Variants in NEDD4 observed in about 807,000 individuals in gnomAD.
The protein encoded by NEDD4 is NEDD4 E3 ubiquitin protein ligase, also known as E3 ubiquitin-protein ligase NEDD4.
In NEDD4, 99 loss-of-function variants were observed where a neutral mutation model predicts 144.9. The ratio of observed to expected loss-of-function variants is 0.68; its 90% CI spans 0.58 to 0.81. The LOEUF (loss-of-function observed/expected upper bound fraction) is 0.81. Among genes scored for constraint, NEDD4 ranks in the 30% least tolerant of loss-of-function variants. The pLI is 0.00. For missense variants in NEDD4, 985 were observed against 1,065.9 expected (o/e 0.92, Z 1.06); for synonymous variants, 318 against 350.6 (o/e 0.91, Z 1.04).
chr15:55,990,925 C>A (rs535719239), intron 1 of NEDD4, among the ~76,000 whole-genome samples: 1 of 152,308 alleles, frequency 6.6e-6, no homozygotes, highest in East Asian at 1.9e-4. Flanking sequence ...GCACATGCAG[C>A]CAGGGTGATC....
intron 4 of NEDD4, among the ~76,000 whole-genome samples, chr15:55,931,165 T>A (rs2036774147): frequency 6.6e-6 from 1 of 152,218 alleles, no homozygotes; most frequent in South Asian, 2.1e-4. Context: ...TGTCTTCAAA[T>A]TTATGTTCAC....
Position 55,850,602 on chromosome 15 carries a change from G to A in NEDD4, c.1287C>T (p.Val429=), listed in dbSNP as rs144358167. Reference sequence around the variant, plus strand: ...AAGGCCTCCCATTTGGTGCATGCCGGACTTCCCAGCCTTTAGGAAGGAATC... The same window carrying A: ...AAGGCCTCCCATTTGGTGCATGCCGAACTTCCCAGCCTTTAGGAAGGAATC... The part of the protein sequence containing the change: ...EQGFLPKGWE[V]RHAPNGRPFF... The change falls in exon 14 of 29, where the codon GTC becomes GTT. Residue 429 remains valine, a synonymous_variant. Coordinates refer to ENST00000435532, the MANE Select transcript of NEDD4 (RefSeq NM_006154.4). 16 of 1,614,006 alleles carry A rather than the reference G, an allele frequency of 9.9e-6. No homozygotes were observed. Among genetic ancestry groups the A allele is most frequent in the Non-Finnish European group, 1.4e-5 (16 of 1,180,022 alleles).
chr15:55,988,963 C>A (rs375422609), intron 1 of NEDD4, among the ~76,000 whole-genome samples: 1 of 152,156 alleles, frequency 6.6e-6, no homozygotes, highest in African/African-American at 2.4e-5. Context: ...AGGACGGGCG[C>A]GGTGCCTCAC....
intron 12 of NEDD4, among the ~76,000 whole-genome samples, chr15:55,854,995 G>T (rs917057473): frequency 6.6e-6 from 1 of 152,184 alleles, no homozygotes; most frequent in Non-Finnish European, 1.5e-5. Context: ...CTCAGCTTGA[G>T]CGGGCTCTGA....
intron 1 of NEDD4, among the ~76,000 whole-genome samples, chr15:55,978,897 A>C (rs2037748029): frequency 6.8e-6 from 1 of 146,546 alleles, no homozygotes; most frequent in Non-Finnish European, 1.5e-5. Flanking sequence ...ACATCTACTA[A>C]CTGCTCTTCA....
chr15:55,933,894 C>G (rs2036831535), intron 4 of NEDD4, among the ~76,000 whole-genome samples: 1 of 152,164 alleles, frequency 6.6e-6, no homozygotes, highest in Non-Finnish European at 1.5e-5. Context: ...TGGTTCACAC[C>G]TGTAATCCCA....
rs73416236 is a variant in NEDD4, at chr15:55,891,304, A to G, written c.292-17296T>C. ...AAAAGTCAATATGCATAGTCTCAGA[A>G]GAAGATGGAGAATCTGAAATTGGGA... On this transcript the variant is annotated intron_variant, in intron 5 of 28. Transcript: ENST00000435532. Among the ~76,000 whole-genome samples the G allele has an allele frequency of 6.9e-3, 1,054 of 152,340 alleles. 7 individuals are homozygous for G. The highest frequency in any genetic ancestry group is 0.024 in the African/African-American group (983 of 41,590).
intron 5 of NEDD4, among the ~76,000 whole-genome samples, chr15:55,884,359 T>G (rs1253197774): frequency 6.6e-6 from 1 of 152,122 alleles, no homozygotes; most frequent in East Asian, 1.9e-4. Flanking sequence ...AAGACTATAA[T>G]AAATACCTAA....
intron 5 of NEDD4, among the ~76,000 whole-genome samples, chr15:55,914,758 T>C (rs1194828485): frequency 1.3e-5 from 2 of 152,032 alleles, no homozygotes; most frequent in Non-Finnish European, 2.9e-5. Context: ...ATTTGAGATA[T>C]AGTTTCTCTA....
chr15:55,955,236 T>C (rs939074874), intron 2 of NEDD4, among the ~76,000 whole-genome samples: 49 of 152,070 alleles, frequency 3.2e-4, no homozygotes, highest in African/African-American at 1.2e-3. Context: ...TTGCCCAAGA[T>C]GGTCTCAAAT....
chr15:55,986,289 A>G (rs1205136094), intron 1 of NEDD4, among the ~76,000 whole-genome samples: 2 of 152,214 alleles, frequency 1.3e-5, no homozygotes, highest in Non-Finnish European at 2.9e-5. Context: ...GGATATTGGC[A>G]TAATCTTACG....
intron 1 of NEDD4, among the ~76,000 whole-genome samples, chr15:55,966,888 G>A (rs1209183999): frequency 6.6e-6 from 1 of 152,014 alleles, no homozygotes; most frequent in Non-Finnish European, 1.5e-5. Context: ...ATAACCATTT[G>A]GCTTTTGGTT....
chr15:55,980,657 G>T (rs1397796053), intron 1 of NEDD4, among the ~76,000 whole-genome samples: 2 of 152,200 alleles, frequency 1.3e-5, no homozygotes, highest in Admixed American at 1.3e-4. Flanking sequence ...ATGGCAAATG[G>T]AAGCCCACAG....
At position 55,886,214 on chromosome 15, in the gene NEDD4, C is replaced by T. The variant is rs1022359464; in HGVS notation, c.292-12206G>A. On this transcript the variant is annotated intron_variant, in intron 5 of 28. Transcript: ENST00000435532. Reference sequence around the variant, plus strand: ...AGATATAAAAAGAAAATATTATTAGCGATAAAGAGAGAGACAGACCCCAAT... The same window carrying T: ...AGATATAAAAAGAAAATATTATTAGTGATAAAGAGAGAGACAGACCCCAAT... 3.9e-5 allele frequency among the ~76,000 whole-genome samples: 6 copies of T among 152,134 alleles called. No homozygotes were observed. The East Asian group carries it at 5.8e-4, about 15-fold the overall frequency.
chr15:55,893,015 T>C (rs1361584288), intron 5 of NEDD4, among the ~76,000 whole-genome samples: 1 of 152,192 alleles, frequency 6.6e-6, no homozygotes, highest in Non-Finnish European at 1.5e-5. Context: ...ATATCTAAAA[T>C]AATTTTATTT....
At chr15:55,959,198 C>G (rs774049666) in intron 2 of NEDD4, among the ~76,000 whole-genome samples, 1 of 152,078 alleles carries the variant, frequency 6.6e-6, no homozygotes, top group Non-Finnish European at 1.5e-5. Context: ...CTGCATTCCA[C>G]AATTGTGATA....
intron 18 of NEDD4, among the ~76,000 whole-genome samples, chr15:55,846,479 G>A (rs2033748850): frequency 6.6e-6 from 1 of 152,178 alleles, no homozygotes; most frequent in South Asian, 2.1e-4. Context: ...AGCATAAGGA[G>A]ACAAGTCACA....
intron 24 of NEDD4, 49 bp from the exon 25 acceptor site, chr15:55,834,335 T>A: frequency 1.7e-6 from 2 of 1,198,272 alleles, no homozygotes; most frequent in Non-Finnish European, 2.4e-6. Flanking sequence ...CCAATGGCCT[T>A]TCCTATGCCT....
intron 14 of NEDD4, among the ~76,000 whole-genome samples, chr15:55,850,269 T>C (rs1329749152): frequency 2.0e-5 from 3 of 152,220 alleles, no homozygotes; most frequent in African/African-American, 7.2e-5. Context: ...CAAAGGATTA[T>C]TCCTATGTAT....
Sources: allele counts gnomAD v4.1 joint callset (sites outside exome capture counted in the v4.1 genomes callset), GRCh38; gene constraint gnomAD v4.1.1; transcripts MANE v1.5; gene names NCBI Gene and HGNC (gene_info 2026-07-23, HGNC 2026-07-21).